Variants in OSTM1 observed in about 807,000 individuals in gnomAD.
OSTM1 encodes osteopetrosis-associated transmembrane protein 1.
A neutral mutation model predicts 35.4 loss-of-function variants in OSTM1; 26 were observed. The observed-to-expected ratio is 0.73, with a 90% confidence interval of 0.54 to 1.02. OSTM1 has a LOEUF of 1.02. OSTM1 is among the 50% of genes least tolerant of loss of function. OSTM1 has a pLI of 0.00. For synonymous variants in OSTM1, 181 were observed against 165.0 expected, an observed-to-expected ratio of 1.10 and a Z score of -0.75; for missense variants, 366 against 409.6, an observed-to-expected ratio of 0.89 and a Z score of 0.92.
rs1331750987 is a variant in OSTM1 at position 108,043,798 on chromosome 6, C to T, written c.*987G>A. ...TGAGACTATCGTTCCGATTCATCCC[C>T]TCAATACACACCACTGTCCAACAGT... On this transcript the variant is annotated 3_prime_UTR_variant, in exon 6 of 6. Coordinates refer to ENST00000193322, the MANE Select transcript of OSTM1 (RefSeq NM_014028.4). The T allele has an allele frequency of 6.6e-6, 1 of 152,170 alleles. No homozygotes were observed. Among genetic ancestry groups the T allele is most frequent in the African/African-American group, 2.4e-5 (1 of 41,444 alleles). The allele number at this position is 152,170 out of a possible 1,614,324, so 9.4% of individuals were successfully genotyped here.
At chr6:108,063,261 T>C (rs1397953902) in intron 2 of OSTM1, among the ~76,000 whole-genome samples, 1 of 151,868 alleles carries the variant, frequency 6.6e-6, no homozygotes, top group Non-Finnish European at 1.5e-5. Context: ...CTCAAGCAAT[T>C]CTGCCTTGGC....
chr6:108,063,758 G>C (rs1477467589), intron 2 of OSTM1, among the ~76,000 whole-genome samples: 1 of 152,108 alleles, frequency 6.6e-6, no homozygotes, highest in Non-Finnish European at 1.5e-5. Context: ...AACATTTCTT[G>C]AACACTAAAT....
At chr6:108,054,396 A>G (rs1267273530) in intron 3 of OSTM1, 94 bp downstream of exon 3, 2 of 594,626 alleles carry the variant, frequency 3.4e-6, no homozygotes. Flanking sequence ...GAATTTAGAT[A>G]AATATCAATA....
Position 108,042,307 on chromosome 6 carries a change from G to C in OSTM1, c.*2478C>G. The C allele has an allele frequency of 7.5e-6, 1 of 133,684 alleles. No homozygotes were observed. Among genetic ancestry groups the C allele is most frequent in the African/African-American group, 2.8e-5 (1 of 36,218 alleles). The allele number at this position is 133,684 out of a possible 1,614,324, so 8.3% of individuals were successfully genotyped here. A position where few individuals can be genotyped will look rare whatever the true frequency, so the allele number is the denominator to read the frequency against. The stretch of plus-strand genomic sequence containing the variant: ...AAAAAAATTAATTATAAAAAAAAAA[G>C]AAAAAATATATCTGATGTTATTTCT... On this transcript the variant is annotated 3_prime_UTR_variant, in exon 6 of 6. Coordinates refer to ENST00000193322, the MANE Select transcript of OSTM1 (RefSeq NM_014028.4).
At chr6:108,072,979 T>C (rs1031250282) in intron 1 of OSTM1, among the ~76,000 whole-genome samples, 2 of 152,172 alleles carry the variant, frequency 1.3e-5, no homozygotes, top group African/African-American at 4.8e-5. Context: ...CGGATAATTT[T>C]TGTATTTTTA....
chr6:108,061,927 G>A (rs905802494), intron 2 of OSTM1, among the ~76,000 whole-genome samples: 1 of 152,028 alleles, frequency 6.6e-6, no homozygotes, highest in African/African-American at 2.4e-5. Flanking sequence ...ACATACAGTA[G>A]TCAACTCTTA....
At chr6:108,070,028 T>C (rs1772453200) in intron 1 of OSTM1, among the ~76,000 whole-genome samples, 1 of 152,054 alleles carries the variant, frequency 6.6e-6, no homozygotes, top group South Asian at 2.1e-4. Flanking sequence ...AGCCTTGCTC[T>C]GTTCCGTCAT....
intron 2 of OSTM1, among the ~76,000 whole-genome samples, chr6:108,062,187 A>G (rs1044103021): frequency 1.3e-5 from 2 of 152,200 alleles, no homozygotes; most frequent in African/African-American, 4.8e-5. Context: ...AGAATTAGTA[A>G]GTAAACTAAG....
At chr6:108,056,311 C>T (rs1314263843) in intron 2 of OSTM1, among the ~76,000 whole-genome samples, 1 of 152,200 alleles carries the variant, frequency 6.6e-6, no homozygotes, top group Non-Finnish European at 1.5e-5. Flanking sequence ...GGACATAAAA[C>T]TGGTAAGTAA....
intron 1 of OSTM1, among the ~76,000 whole-genome samples, chr6:108,066,237 G>A (rs1206444919): frequency 1.3e-5 from 2 of 152,130 alleles, no homozygotes; most frequent in African/African-American, 2.4e-5. Flanking sequence ...GGGTGAGGAG[G>A]CAGGGAGACT....
intron 1 of OSTM1, among the ~76,000 whole-genome samples, chr6:108,072,620 G>GAGCA (rs36008680): frequency 0.25 from 36,625 of 145,880 alleles, 4,725 homozygotes; most frequent in East Asian, 0.44. Flanking sequence ...CTGGGCAACA[G>GAGCA]AGCAAGACCT....
chr6:108,061,121 T>C (rs547329497), intron 2 of OSTM1, among the ~76,000 whole-genome samples: 17 of 151,502 alleles, frequency 1.1e-4, no homozygotes, highest in Middle Eastern at 3.4e-3. Flanking sequence ...TAGAAAATTT[T>C]ACTCTGAAAA....
At chr6:108,048,407 T>C (rs1772016380) in intron 5 of OSTM1, among the ~76,000 whole-genome samples, 1 of 152,218 alleles carries the variant, frequency 6.6e-6, no homozygotes, top group Admixed American at 6.5e-5. Flanking sequence ...GGATGGGATC[T>C]CTAGTTAGTG....
intron 3 of OSTM1, 145 bp from the exon 4 acceptor site, chr6:108,051,343 C>A (rs1383306021): frequency 6.4e-6 from 4 of 629,314 alleles, no homozygotes; most frequent in Non-Finnish European, 1.1e-5. Context: ...GTTACTAAAT[C>A]ACTCTGAGTC....
chr6:108,050,806 A>G (rs926354968), intron 4 of OSTM1, among the ~76,000 whole-genome samples: 1 of 152,196 alleles, frequency 6.6e-6, no homozygotes, highest in African/African-American at 2.4e-5. Flanking sequence ...GAAGTACCTA[A>G]TTAATTTCTG....
In OSTM1 at chr6:108,044,851, C is replaced by A; in HGVS notation, c.950-11G>T. ...ACTTGAGACGTTTGGCTAGATAAATCAAAAGAATTATATTTTAATTTAAAT... is the reference window on the plus strand; with the variant it reads ...ACTTGAGACGTTTGGCTAGATAAATAAAAAGAATTATATTTTAATTTAAAT... On this transcript the variant is annotated splice_polypyrimidine_tract_variant and intron_variant, in intron 5 of 5. Transcript: ENST00000193322. 1 of 1,448,364 alleles carries A rather than the reference C, an allele frequency of 6.9e-7. No individual in the cohort carries two copies. Among genetic ancestry groups the A allele is most frequent in the Non-Finnish European group, 9.5e-7 (1 of 1,048,278 alleles). The allele number at this position is 1,448,364 out of a possible 1,614,324, so 89.7% of individuals were successfully genotyped here.
intron 5 of OSTM1, among the ~76,000 whole-genome samples, chr6:108,045,466 GA>G (rs553965458): frequency 0.021 from 2,600 of 124,432 alleles, 74 homozygotes; most frequent in African/African-American, 0.072. Flanking sequence ...ATTTTCAGAT[GA>G]AAAAAAAATC....
At chr6:108,074,136 A>G in intron 1 of OSTM1, 114 bp downstream of exon 1, 1 of 1,048,216 alleles carries the variant, frequency 9.5e-7, no homozygotes, top group Non-Finnish European at 1.4e-6. Flanking sequence ...GACTCAGTCC[A>G]ACCCCTTTTT....
At chr6:108,065,239 CT>C (rs11300140) in intron 1 of OSTM1, among the ~76,000 whole-genome samples, 10,543 of 140,310 alleles carry the variant, frequency 0.075, 570 homozygotes, top group African/African-American at 0.16. Flanking sequence ...TCTATTATCA[CT>C]TTTTTTTTTT....
Sources: gnomAD v4.1 joint callset for allele counts (sites outside exome capture counted in the v4.1 genomes callset) on GRCh38, gnomAD v4.1.1 for gene constraint, MANE v1.5 for transcripts, NCBI Gene and HGNC (gene_info 2026-07-23, HGNC 2026-07-21) for gene names.